Variants in LDB2 observed in about 807,000 individuals in gnomAD.
The protein encoded by LDB2 is LIM domain-binding protein 2.
A neutral mutation model predicts 44.3 loss-of-function variants in LDB2; 12 were observed. The observed-to-expected ratio is 0.27, with a 90% confidence interval of 0.17 to 0.44. The LOEUF (loss-of-function observed/expected upper bound fraction) is 0.44. Among genes scored for constraint, LDB2 ranks in the 20% least tolerant of loss-of-function variants. LDB2 has a pLI of 1.00. For missense variants in LDB2, 344 were observed against 473.5 expected (o/e 0.73, Z 2.54); for synonymous variants, 164 against 174.8 (o/e 0.94, Z 0.49).
chr4:16,863,801 C>T (rs1713623121), intron 1 of LDB2, among the ~76,000 whole-genome samples: 1 of 151,926 alleles, frequency 6.6e-6, no homozygotes, highest in Admixed American at 6.6e-5. Flanking sequence ...GCTGCGATTA[C>T]AGGCACCCGC....
intron 1 of LDB2, among the ~76,000 whole-genome samples, chr4:16,835,686 A>G (rs1247039083): frequency 6.6e-6 from 1 of 152,216 alleles, no homozygotes; most frequent in Non-Finnish European, 1.5e-5. Flanking sequence ...AGAGTTTTAA[A>G]AGTGGTTTTA....
intron 2 of LDB2, among the ~76,000 whole-genome samples, chr4:16,668,521 T>A (rs1055825291): frequency 3.3e-5 from 5 of 152,218 alleles, no homozygotes; most frequent in African/African-American, 1.2e-4. Context: ...TCTGTTCACA[T>A]GCCATGAAGG....
chr4:16,674,193 G>A, intron 2 of LDB2: 1 of 1,234,930 alleles, frequency 8.1e-7, no homozygotes, highest in Non-Finnish European at 1.1e-6. Flanking sequence ...TAGATTAAAT[G>A]AGGTACCTTT....
In LDB2 at chr4:16,595,579, A is replaced by G. The variant is rs112820709; in HGVS notation, c.408+124T>C. On this transcript the variant is annotated intron_variant, in intron 3 of 7. Coordinates refer to ENST00000304523, the MANE Select transcript of LDB2 (RefSeq NM_001290.5). Reference sequence around the variant, plus strand: ...TGTCACAAACAAGAAAGATTCTCTCATGGTGTTGAAAGTGTCTGGGAGATG... The same window carrying G: ...TGTCACAAACAAGAAAGATTCTCTCGTGGTGTTGAAAGTGTCTGGGAGATG... 17 of 767,884 alleles carry G rather than the reference A, an allele frequency of 2.2e-5. No homozygotes were observed. In the African/African-American group the frequency reaches 2.3e-4, roughly 10 times the overall value. 47.6% of individuals were successfully genotyped at this position (767,884 alleles called of 1,614,324 possible).
intron 1 of LDB2, among the ~76,000 whole-genome samples, chr4:16,765,548 G>A (rs959972170): frequency 4.6e-5 from 7 of 152,214 alleles, no homozygotes; most frequent in African/African-American, 1.2e-4. Context: ...AGCAGACTAC[G>A]TTACTTAAGG....
At chr4:16,706,422 C>T (rs1754625950) in intron 2 of LDB2, among the ~76,000 whole-genome samples, 1 of 152,192 alleles carries the variant, frequency 6.6e-6, no homozygotes, top group African/African-American at 2.4e-5. Context: ...GAAGAGAGCC[C>T]TCCTCGGATA....
intron 2 of LDB2, among the ~76,000 whole-genome samples, chr4:16,689,561 G>A (rs888618446): frequency 1.3e-5 from 2 of 152,288 alleles, no homozygotes; most frequent in Admixed American, 6.5e-5. Flanking sequence ...ATTCTGGTAG[G>A]CCTGGGTTCA....
intron 1 of LDB2, among the ~76,000 whole-genome samples, chr4:16,860,999 C>G (rs913599385): frequency 2.6e-5 from 4 of 152,168 alleles, no homozygotes; most frequent in African/African-American, 7.2e-5. Context: ...ATATACTAGG[C>G]ATGATAACTC....
At chr4:16,704,731 A>C (rs891004026) in intron 2 of LDB2, among the ~76,000 whole-genome samples, 6 of 152,218 alleles carry the variant, frequency 3.9e-5, no homozygotes, top group African/African-American at 1.4e-4. Flanking sequence ...GATGCATGCT[A>C]TGTGTGTTCT....
intron 2 of LDB2, among the ~76,000 whole-genome samples, chr4:16,754,271 A>G (rs944817312): frequency 6.6e-6 from 1 of 152,142 alleles, no homozygotes; most frequent in African/African-American, 2.4e-5. Context: ...TCAGTCCTGC[A>G]TTTCAGCAGG....
chr4:16,745,389 G>A (rs1428012401), intron 2 of LDB2, among the ~76,000 whole-genome samples: 3 of 152,208 alleles, frequency 2.0e-5, no homozygotes, highest in Admixed American at 6.5e-5. Flanking sequence ...GAAGTCAAGC[G>A]TGAACTTTCT....
At chr4:16,511,884 T>A (rs1215677490) in intron 6 of LDB2, 97 bp downstream of exon 6, 2 of 1,375,654 alleles carry the variant, frequency 1.5e-6, no homozygotes, top group Non-Finnish European at 2.0e-6. Flanking sequence ...CTTGTCCTGA[T>A]AAATTAATGA....
At chr4:16,715,959 T>C (rs964821497) in intron 2 of LDB2, among the ~76,000 whole-genome samples, 2 of 152,174 alleles carry the variant, frequency 1.3e-5, no homozygotes, top group Non-Finnish European at 2.9e-5. Context: ...TGTTCTTTAG[T>C]AGTAGCATTT....
chr4:16,663,777 T>C (rs1247914555), intron 2 of LDB2, among the ~76,000 whole-genome samples: 5 of 152,210 alleles, frequency 3.3e-5, no homozygotes, highest in Non-Finnish European at 7.3e-5. Flanking sequence ...GATTCTAATT[T>C]ATCCCATTTT....
intron 1 of LDB2, among the ~76,000 whole-genome samples, chr4:16,814,757 A>G (rs556625143): frequency 7.8e-4 from 119 of 152,356 alleles, no homozygotes; most frequent in African/African-American, 2.6e-3. Context: ...TTTTTAAAAA[A>G]GGGGATATGA....
At chr4:16,684,793 C>G (rs763876730) in intron 2 of LDB2, among the ~76,000 whole-genome samples, 4 of 152,160 alleles carry the variant, frequency 2.6e-5, no homozygotes, top group Non-Finnish European at 5.9e-5. Context: ...AGGCCAATAA[C>G]AAGTATTAAC....
chr4:16,835,627 G>T (rs528773986), intron 1 of LDB2, among the ~76,000 whole-genome samples: 5 of 152,332 alleles, frequency 3.3e-5, no homozygotes, highest in African/African-American at 1.2e-4. Context: ...AATTCGAATT[G>T]CTAGGTCATT....
intron 5 of LDB2, among the ~76,000 whole-genome samples, chr4:16,562,289 A>G (rs1181636319): frequency 1.3e-5 from 2 of 152,216 alleles, no homozygotes; most frequent in African/African-American, 4.8e-5. Flanking sequence ...GGCAACCTAC[A>G]GAATGGGAGA....
chr4:16,745,279 T>A (rs577532987), intron 2 of LDB2, among the ~76,000 whole-genome samples: 1 of 152,294 alleles, frequency 6.6e-6, no homozygotes, highest in African/African-American at 2.4e-5. Flanking sequence ...CAGTTCCTGT[T>A]GGTCCAAATG....
Sources: gnomAD v4.1 joint callset for allele counts (sites outside exome capture counted in the v4.1 genomes callset) on GRCh38, gnomAD v4.1.1 for gene constraint, MANE v1.5 for transcripts, NCBI Gene and HGNC (gene_info 2026-07-23, HGNC 2026-07-21) for gene names.